WDFY3: variants seen among roughly 807,000 people sequenced by gnomAD.
WDFY3 encodes WD repeat and FYVE domain-containing protein 3.
A neutral mutation model predicts 409.6 loss-of-function variants in WDFY3; 66 were observed. That is an observed-to-expected ratio of 0.16 (90% confidence interval 0.13 to 0.20). WDFY3 has a LOEUF of 0.20. WDFY3 is among the 10% of genes least tolerant of loss of function. The pLI, the probability that WDFY3 is intolerant of heterozygous loss-of-function variation, is 1.00. For synonymous variants in WDFY3, 1,521 were observed against 1,537.1 expected (o/e 0.99, Z 0.25); for missense variants, 3,031 against 4,298.1 (o/e 0.71, Z 8.24).
intron 1 of WDFY3, among the ~76,000 whole-genome samples, chr4:84,947,376 G>A (rs1772994604): frequency 1.3e-5 from 2 of 150,820 alleles, no homozygotes; most frequent in Non-Finnish European, 3.0e-5. Context: ...GCCAGGTGTG[G>A]TGGCACGGGC....
At chr4:84,691,538 T>C in intron 60 of WDFY3, 93 bp downstream of exon 60, 1 of 1,394,122 alleles carries the variant, frequency 7.2e-7, no homozygotes, top group African/African-American at 1.4e-5. Flanking sequence ...TGACAAGCCC[T>C]TGGACTGGGT....
At chr4:84,728,190 C>A (rs965487858) in intron 44 of WDFY3, among the ~76,000 whole-genome samples, 2 of 152,014 alleles carry the variant, frequency 1.3e-5, no homozygotes, top group African/African-American at 4.8e-5. Flanking sequence ...ATTCTTCAAC[C>A]TGCTCTGAAA....
At chr4:84,766,940 A>T (rs977579998) in intron 30 of WDFY3, among the ~76,000 whole-genome samples, 2 of 152,246 alleles carry the variant, frequency 1.3e-5, no homozygotes, top group Non-Finnish European at 2.9e-5. Context: ...AAGTACACAG[A>T]ACTGGGCATC....
At chr4:84,870,966 G>T (rs1168961449) in intron 3 of WDFY3, among the ~76,000 whole-genome samples, 1 of 152,004 alleles carries the variant, frequency 6.6e-6, no homozygotes, top group East Asian at 1.9e-4. Context: ...GCAGTAGATG[G>T]ATACTGCTGA....
chr4:84,691,844 CAT>C, intron 59 of WDFY3, 59 bp from the exon 60 acceptor site: 5 of 1,444,454 alleles, frequency 3.5e-6, no homozygotes, highest in Non-Finnish European at 3.8e-6. Context: ...GTCATTATCT[CAT>C]AGAGCATGAT....
chr4:84,791,368 G>A (rs560380392), intron 21 of WDFY3, among the ~76,000 whole-genome samples: 8 of 152,210 alleles, frequency 5.3e-5, no homozygotes, highest in Non-Finnish European at 7.4e-5. Flanking sequence ...GAGAAACAAC[G>A]AATGAAATGT....
chr4:84,957,665 G>A (rs1406544356), intron 1 of WDFY3, among the ~76,000 whole-genome samples: 2 of 152,182 alleles, frequency 1.3e-5, no homozygotes, highest in Non-Finnish European at 2.9e-5. Flanking sequence ...GGTAAGGCCT[G>A]ATACTTTTAG....
intron 1 of WDFY3, among the ~76,000 whole-genome samples, chr4:84,933,762 G>C (rs1156506371): frequency 6.6e-6 from 1 of 152,062 alleles, no homozygotes; most frequent in African/African-American, 2.4e-5. Flanking sequence ...CCAGAAATGA[G>C]TGAAGACATG....
chr4:84,941,475 G>C (rs1418054993), intron 1 of WDFY3, among the ~76,000 whole-genome samples: 1 of 151,886 alleles, frequency 6.6e-6, no homozygotes, highest in Non-Finnish European at 1.5e-5. Context: ...ATAAAACAAT[G>C]ATGAAATAAT....
intron 2 of WDFY3, among the ~76,000 whole-genome samples, chr4:84,918,545 G>A (rs1282796572): frequency 6.6e-6 from 1 of 151,934 alleles, no homozygotes; most frequent in Non-Finnish European, 1.5e-5. Flanking sequence ...AAAACAATAA[G>A]GTTGGTTATC....
intron 7 of WDFY3, among the ~76,000 whole-genome samples, chr4:84,831,912 T>C (rs1578726084): frequency 6.6e-6 from 1 of 152,134 alleles, no homozygotes; most frequent in African/African-American, 2.4e-5. Flanking sequence ...GTACAGCCAT[T>C]ATGAAAAACA....
chr4:84,904,459 A>G (rs111230755), intron 2 of WDFY3, among the ~76,000 whole-genome samples: 2 of 152,336 alleles, frequency 1.3e-5, no homozygotes, highest in African/African-American at 4.8e-5. Flanking sequence ...GGGCTCTGTT[A>G]GTCATTCATT....
At chr4:84,839,558 T>C (rs1442510525) in intron 6 of WDFY3, among the ~76,000 whole-genome samples, 1 of 149,534 alleles carries the variant, frequency 6.7e-6, no homozygotes, top group East Asian at 2.0e-4. Context: ...ATTCCCTGAG[T>C]TAAAAAAAAA....
intron 2 of WDFY3, among the ~76,000 whole-genome samples, chr4:84,927,316 TAC>T (rs142438597): frequency 5.3e-5 from 8 of 151,022 alleles, no homozygotes; most frequent in Admixed American, 1.3e-4. Context: ...TTCCATATGT[TAC>T]ACACACACAC....
intron 27 of WDFY3, among the ~76,000 whole-genome samples, chr4:84,777,622 A>G (rs1312338108): frequency 6.6e-6 from 1 of 152,128 alleles, no homozygotes; most frequent in Admixed American, 6.5e-5. Context: ...CAATTAGGGC[A>G]CACTGTTTGT....
chr4:84,817,228 A>G (rs566131949), intron 13 of WDFY3, among the ~76,000 whole-genome samples, 164 bp downstream of exon 13: 23 of 152,282 alleles, frequency 1.5e-4, no homozygotes, highest in African/African-American at 5.1e-4. Context: ...GAAAGACATA[A>G]ATGACTGGAG....
chr4:84,910,332 T>C lies in WDFY3; in HGVS notation c.-131-13322A>G, dbSNP rs536455424. Among the ~76,000 whole-genome samples, 4 of 152,188 alleles carry C rather than the reference T, an allele frequency of 2.6e-5. No homozygotes were observed. The East Asian group carries it at 5.8e-4, about 22-fold the overall frequency. ...AGTCCCCCACAGATACAAGGGATGA[T>C]TGTATATTAGAAACATTTTTAAAGG... On this transcript the variant is annotated intron_variant, in intron 2 of 67. Coordinates refer to ENST00000295888, the MANE Select transcript of WDFY3 (RefSeq NM_014991.6).
chr4:84,738,171 G>A (rs1305812307), intron 40 of WDFY3, among the ~76,000 whole-genome samples: 2 of 152,152 alleles, frequency 1.3e-5, no homozygotes, highest in Admixed American at 6.5e-5. Flanking sequence ...CTATCGCACA[G>A]TATTTCTGGG....
At chr4:84,951,456 C>T (rs1224431537) in intron 1 of WDFY3, among the ~76,000 whole-genome samples, 1 of 152,054 alleles carries the variant, frequency 6.6e-6, no homozygotes, top group Non-Finnish European at 1.5e-5. Flanking sequence ...AATAAAAATA[C>T]AATTTGTATT....
Sources: allele counts gnomAD v4.1 joint callset (sites outside exome capture counted in the v4.1 genomes callset), GRCh38; gene constraint gnomAD v4.1.1; transcripts MANE v1.5; gene names NCBI Gene and HGNC (gene_info 2026-07-23, HGNC 2026-07-21).